The following FRYL variants were observed in gnomAD, a reference collection of about 807,000 sequenced individuals.
The protein encoded by FRYL is protein furry homolog-like.
Under a neutral mutation model 351.2 loss-of-function variants are expected in FRYL, and 150 were observed. The ratio of observed to expected loss-of-function variants is 0.43; its 90% CI spans 0.37 to 0.49. FRYL has a LOEUF of 0.49. Ranked by LOEUF, FRYL falls within the 20% of genes least tolerant of loss-of-function variation. FRYL has a pLI of 0.00. For missense variants in FRYL, 3,036 were observed against 3,619.3 expected (o/e 0.84, Z 4.13); for synonymous variants, 1,153 against 1,257.1 (o/e 0.92, Z 1.75).
At chr4:48,600,555 C>T (rs1745489962) in intron 13 of FRYL, among the ~76,000 whole-genome samples, 1 of 151,130 alleles carries the variant, frequency 6.6e-6, no homozygotes, top group Non-Finnish European at 1.5e-5. Flanking sequence ...AGCCTTAAGA[C>T]AAAAAAAAGT....
At chr4:48,776,750 C>A (rs1776066843) in intron 1 of FRYL, among the ~76,000 whole-genome samples, 1 of 152,176 alleles carries the variant, frequency 6.6e-6, no homozygotes, top group African/African-American at 2.4e-5. Context: ...AGCACATACT[C>A]TGTCTCCCCA....
intron 3 of FRYL, among the ~76,000 whole-genome samples, chr4:48,662,938 T>C (rs1340821127): frequency 6.6e-6 from 1 of 152,060 alleles, no homozygotes; most frequent in African/African-American, 2.4e-5. Flanking sequence ...CTAAAAGACT[T>C]TGTCACCAAC....
At chr4:48,527,247 A>G (rs776867666) in intron 53 of FRYL, among the ~76,000 whole-genome samples, 4 of 152,192 alleles carry the variant, frequency 2.6e-5, no homozygotes, top group Non-Finnish European at 5.9e-5. Flanking sequence ...TTTTGAAGGA[A>G]GCCATTTTTT....
intron 1 of FRYL, among the ~76,000 whole-genome samples, chr4:48,717,239 T>C (rs1211579692): frequency 2.0e-5 from 3 of 151,018 alleles, no homozygotes; most frequent in African/African-American, 7.3e-5. Context: ...AACCTGCACA[T>C]TGTGCACATG....
At chr4:48,724,452 C>T (rs1403159903) in intron 1 of FRYL, among the ~76,000 whole-genome samples, 1 of 152,132 alleles carries the variant, frequency 6.6e-6, no homozygotes, top group Admixed American at 6.6e-5. Flanking sequence ...TCCCACATAC[C>T]CTATCTAAAA....
intron 3 of FRYL, among the ~76,000 whole-genome samples, chr4:48,657,466 T>C (rs989407562): frequency 7.9e-5 from 12 of 152,030 alleles, no homozygotes; most frequent in Non-Finnish European, 2.9e-5. Context: ...AAATGAGTTT[T>C]CTACCCTTAA....
chr4:48,590,626 T>TA (rs1406869166), intron 17 of FRYL, 33 bp downstream of exon 17: 7 of 1,480,796 alleles, frequency 4.7e-6, no homozygotes, highest in Non-Finnish European at 6.5e-6. Context: ...GAAACTGTAT[T>TA]ACAAAGCAAC....
chr4:48,732,769 C>T (rs535191316), intron 1 of FRYL, among the ~76,000 whole-genome samples: 17 of 141,026 alleles, frequency 1.2e-4, no homozygotes, highest in African/African-American at 3.5e-4. Flanking sequence ...TACACTGGAG[C>T]CTGTGGGGGG....
intron 3 of FRYL, among the ~76,000 whole-genome samples, chr4:48,650,335 G>C (rs1757365391): frequency 6.6e-6 from 1 of 152,020 alleles, no homozygotes. Flanking sequence ...ACATTTACCA[G>C]AGCTTAAATA....
intron 3 of FRYL, among the ~76,000 whole-genome samples, chr4:48,659,153 T>A (rs1022940764): frequency 3.3e-5 from 5 of 151,712 alleles, no homozygotes; most frequent in African/African-American, 1.2e-4. Context: ...GAGATCAAGA[T>A]CAGCCTAGAC....
intron 1 of FRYL, among the ~76,000 whole-genome samples, chr4:48,711,947 C>A (rs527376495): frequency 2.0e-5 from 3 of 152,216 alleles, no homozygotes; most frequent in African/African-American, 7.2e-5. Flanking sequence ...TGCTAATACC[C>A]AGGCAAACAG....
chr4:48,579,219 C>T lies in FRYL; in HGVS notation c.2282G>A (p.Ser761Asn), dbSNP rs1646294577. The T allele has an allele frequency of 1.2e-6, 2 of 1,612,810 alleles. No homozygotes were observed. Among genetic ancestry groups the T allele is most frequent in the Middle Eastern group, 1.7e-4 (1 of 6,058 alleles). Residue 761 changes from serine to asparagine, a missense_variant, in exon 23 of 64, where the codon AGC becomes AAC. Ser to Asn is a conservative substitution (Grantham distance 46, BLOSUM62 1). This residue lies in a region of FRYL where 492 missense variants were observed against 551.5 expected (regional missense o/e 0.89). Transcript: ENST00000358350. ...TGCTAAAGTTTGTAAATCTATCGAG[C>T]TAGGGCAATAGAGCAAAGTAGTCTA... The part of the protein sequence containing the change: ...ADQTTLLYCP[S>N]SIDLQTLAEW...
At chr4:48,749,060 G>A (rs1319565532) in intron 1 of FRYL, among the ~76,000 whole-genome samples, 1 of 152,194 alleles carries the variant, frequency 6.6e-6, no homozygotes, top group African/African-American at 2.4e-5. Flanking sequence ...CATAACAGAT[G>A]AGCAAGGAAA....
intron 3 of FRYL, among the ~76,000 whole-genome samples, chr4:48,679,433 T>C (rs1038987394): frequency 6.6e-6 from 1 of 152,122 alleles, no homozygotes; most frequent in Non-Finnish European, 1.5e-5. Flanking sequence ...AACTCTCATA[T>C]CCTACCCTAA....
intron 4 of FRYL, among the ~76,000 whole-genome samples, chr4:48,627,234 A>G (rs1297250341): frequency 1.3e-5 from 2 of 152,162 alleles, no homozygotes; most frequent in Admixed American, 6.5e-5. Flanking sequence ...CTATGTGTCT[A>G]AGACTGGGGG....
At chr4:48,697,850 G>A (rs1248824775) in intron 2 of FRYL, among the ~76,000 whole-genome samples, 1 of 152,192 alleles carries the variant, frequency 6.6e-6, no homozygotes, top group Non-Finnish European at 1.5e-5. Flanking sequence ...GAAGAAATAA[G>A]AATGGTAATG....
Position 48,497,861 on chromosome 4 carries a change from A to C in FRYL, c.*1561T>G, listed in dbSNP as rs1340772781. 1.3e-5 allele frequency: 2 copies of C among 152,672 alleles called. No homozygotes were observed. The highest frequency in any genetic ancestry group is 2.9e-5 in the Non-Finnish European group (2 of 68,050). 9.5% of individuals were successfully genotyped at this position (152,672 alleles called of 1,614,324 possible). On this transcript the variant is annotated 3_prime_UTR_variant, in exon 64 of 64. Transcript: ENST00000358350. ...TGGTCAGCAGTCCAATGGTGTGCAC[A>C]GTGCCTTCAATTAATGCACTTGAGC... is the stretch of plus-strand genomic sequence containing the variant.
intron 3 of FRYL, among the ~76,000 whole-genome samples, chr4:48,660,529 A>T (rs1042771510): frequency 6.6e-6 from 1 of 152,202 alleles, no homozygotes; most frequent in African/African-American, 2.4e-5. Flanking sequence ...GGGTGCCCAC[A>T]TGAATAGCTC....
chr4:48,733,351 A>G (rs1560329561), intron 1 of FRYL, among the ~76,000 whole-genome samples: 7 of 151,890 alleles, frequency 4.6e-5, no homozygotes. Flanking sequence ...TTATCCTTCA[A>G]AAGTAAAAAA....
Sources: gnomAD v4.1 joint callset for allele counts (sites outside exome capture counted in the v4.1 genomes callset) on GRCh38, gnomAD v4.1.1 for gene constraint, gnomAD v4.1.1 regional missense constraint, MANE v1.5 for transcripts, NCBI Gene and HGNC (gene_info 2026-07-23, HGNC 2026-07-21) for gene names.